The following NEBL variants were observed in gnomAD, a reference collection of about 807,000 sequenced individuals.
The protein encoded by NEBL is nebulette, also known as LIM and SH3 protein 2.
NEBL carries 122 observed loss-of-function variants against 140.2 expected under a neutral mutation model. The observed-to-expected ratio is 0.87, with a 90% CI of 0.75 to 1.01. The LOEUF (loss-of-function observed/expected upper bound fraction) is 1.01, where lower values mean the gene tolerates loss of function less well. NEBL is among the 50% of genes least tolerant of loss of function. The pLI is 0.00. For missense variants in NEBL, 1,365 were observed against 1,231.3 expected (o/e 1.11, Z -1.62); for synonymous variants, 436 against 398.9 (o/e 1.09, Z -1.11).
chr10:20,989,521 T>C (rs1036598999), intron 3 of NEBL, among the ~76,000 whole-genome samples: 3 of 152,064 alleles, frequency 2.0e-5, no homozygotes, highest in Non-Finnish European at 4.4e-5. Flanking sequence ...TTTATATGGA[T>C]GAATAAACAA....
At chr10:21,282,450 G>A (rs975489965) in intron 1 of NEBL, among the ~76,000 whole-genome samples, 4 of 152,120 alleles carry the variant, frequency 2.6e-5, no homozygotes, top group African/African-American at 7.2e-5. Flanking sequence ...CAAGGAAAGA[G>A]CTCCCAGGAA....
At chr10:21,209,056 C>T (rs919442983) in intron 3 of NEBL, among the ~76,000 whole-genome samples, 7 of 152,188 alleles carry the variant, frequency 4.6e-5, no homozygotes, top group African/African-American at 1.4e-4. Flanking sequence ...CCGGCTTCTC[C>T]TCCCTTCTTT....
chr10:21,228,859 T>C (rs1219993067), intron 3 of NEBL, among the ~76,000 whole-genome samples: 3 of 152,160 alleles, frequency 2.0e-5, no homozygotes, highest in Non-Finnish European at 4.4e-5. Context: ...CTGCACTTCT[T>C]ACTGCCCTTG....
intron 13 of NEBL, among the ~76,000 whole-genome samples, chr10:20,837,680 A>G (rs764075365): frequency 6.6e-6 from 1 of 152,208 alleles, no homozygotes; most frequent in Non-Finnish European, 1.5e-5. Context: ...TAGGACTTCC[A>G]TAGCTAGTGA....
chr10:20,976,295 T>C (rs1490971915), intron 3 of NEBL, among the ~76,000 whole-genome samples: 2 of 145,122 alleles, frequency 1.4e-5, no homozygotes, highest in Non-Finnish European at 3.0e-5. Context: ...TGAGCCGAGA[T>C]CACACCACTG....
chr10:21,111,369 G>A (rs1408229359), intron 2 of NEBL, among the ~76,000 whole-genome samples: 1 of 151,934 alleles, frequency 6.6e-6, no homozygotes, highest in African/African-American at 2.4e-5. Context: ...GTAAAAACAG[G>A]CTGGTACTGG....
rs114314862 is a variant in NEBL, at chr10:21,247,519, A to G, written n.348+402T>C. Among the ~76,000 whole-genome samples, 892 of 152,346 alleles carry G rather than the reference A, an allele frequency of 5.9e-3. 8 individuals are homozygous for G. The highest frequency in any genetic ancestry group is 0.02 in the African/African-American group (813 of 41,580). ...AGGATTGATGTAGGGACTCCCTAAC[A>G]TAGCCAGAGACATGGGGTCTTTCTA... On this transcript the variant is annotated intron_variant and non_coding_transcript_variant, in intron 3 of 8. Coordinates refer to the NEBL transcript ENST00000675702.
chr10:20,949,491 A>G (rs2131589935), intron 4 of NEBL, among the ~76,000 whole-genome samples: 1 of 152,340 alleles, frequency 6.6e-6, no homozygotes, highest in Non-Finnish European at 1.5e-5. Flanking sequence ...AGTATCACAC[A>G]CAGGTTGGAG....
intron 1 of NEBL, among the ~76,000 whole-genome samples, chr10:21,267,100 G>A (rs1032971938): frequency 1.2e-4 from 19 of 152,104 alleles, no homozygotes; most frequent in African/African-American, 2.4e-4. Flanking sequence ...TCAGCCTCCC[G>A]AGTAGATGGG....
intron 3 of NEBL, among the ~76,000 whole-genome samples, chr10:21,192,571 G>A (rs944288896): frequency 3.4e-4 from 51 of 151,056 alleles, no homozygotes; most frequent in African/African-American, 1.0e-3. Flanking sequence ...CTGGCCAGGC[G>A]TTGTGGCTCA....
intron 3 of NEBL, among the ~76,000 whole-genome samples, chr10:20,978,057 A>G (rs1425228956): frequency 6.6e-6 from 1 of 152,208 alleles, no homozygotes; most frequent in African/African-American, 2.4e-5. Flanking sequence ...GTTTATTTAA[A>G]TGCTCTGGGC....
At chr10:21,248,810 C>T (rs1842551368) in intron 2 of NEBL, among the ~76,000 whole-genome samples, 1 of 151,988 alleles carries the variant, frequency 6.6e-6, no homozygotes. Flanking sequence ...CCAATTTCTC[C>T]ACCTTGCCAA....
chr10:21,041,237 T>C (rs571492595), intron 2 of NEBL, among the ~76,000 whole-genome samples: 1 of 152,334 alleles, frequency 6.6e-6, no homozygotes, highest in East Asian at 1.9e-4. Context: ...CCCTAATGTC[T>C]ATTGTTCCCT....
chr10:20,903,579 C>T (rs1160073822), intron 4 of NEBL, among the ~76,000 whole-genome samples: 2 of 152,154 alleles, frequency 1.3e-5, no homozygotes, highest in South Asian at 2.1e-4. Flanking sequence ...ATGTTTCTCA[C>T]AGCACAATTC....
At chr10:21,241,010 T>G (rs1842432027) in intron 3 of NEBL, among the ~76,000 whole-genome samples, 1 of 151,968 alleles carries the variant, frequency 6.6e-6, no homozygotes, top group Admixed American at 6.6e-5. Context: ...GCCCCATTTT[T>G]GGGGCTTTCA....
chr10:21,256,198 G>C (rs1842657793), intron 1 of NEBL, among the ~76,000 whole-genome samples: 3 of 151,974 alleles, frequency 2.0e-5, no homozygotes, highest in African/African-American at 7.2e-5. Flanking sequence ...CTCTTTAGTA[G>C]CTGGGATTAC....
At chr10:21,076,363 TGAACCTGA>T (rs965381178) in intron 2 of NEBL, among the ~76,000 whole-genome samples, 3 of 143,670 alleles carry the variant, frequency 2.1e-5, no homozygotes, top group Non-Finnish European at 4.5e-5. Flanking sequence ...GAGAATCGCT[TGAACCTGA>T]GAGGCAGAGG....
At chr10:20,796,146 T>C (rs1056984049) in intron 26 of NEBL, among the ~76,000 whole-genome samples, 3 of 151,976 alleles carry the variant, frequency 2.0e-5, no homozygotes, top group Admixed American at 6.6e-5. Flanking sequence ...GGCGGATCAT[T>C]TGAGGTCAGG....
At chr10:20,963,476 C>T (rs531787138) in intron 3 of NEBL, among the ~76,000 whole-genome samples, 54 of 152,268 alleles carry the variant, frequency 3.5e-4, no homozygotes, top group African/African-American at 1.2e-3. Flanking sequence ...TTTTGTTACT[C>T]GTCTGTATTT....
Sources: gnomAD v4.1 joint callset for allele counts (sites outside exome capture counted in the v4.1 genomes callset) on GRCh38, gnomAD v4.1.1 for gene constraint, MANE v1.5 for transcripts, NCBI Gene and HGNC (gene_info 2026-07-23, HGNC 2026-07-21) for gene names.